PDE7B: variants seen among roughly 807,000 people sequenced by gnomAD.
The protein encoded by PDE7B is phosphodiesterase 7B.
Under a neutral mutation model 56.2 loss-of-function variants are expected in PDE7B, and 29 were observed. That is an observed-to-expected ratio of 0.52 (90% confidence interval 0.38 to 0.70). PDE7B has a LOEUF of 0.70. Among genes scored for constraint, PDE7B ranks in the 30% least tolerant of loss-of-function variants. The pLI is 0.00. For missense variants in PDE7B, 490 were observed against 565.0 expected (o/e 0.87, Z 1.35); for synonymous variants, 197 against 196.9 (o/e 1.00, Z 0.00).
intron 1 of PDE7B, among the ~76,000 whole-genome samples, chr6:135,897,574 G>T (rs1475939857): frequency 6.6e-6 from 1 of 152,196 alleles, no homozygotes; most frequent in Non-Finnish European, 1.5e-5. Flanking sequence ...TCACCAACTT[G>T]CAGAAGGCTT....
chr6:135,868,384 CTGTGTTT>C (rs1432242535), intron 1 of PDE7B, among the ~76,000 whole-genome samples: 1 of 152,160 alleles, frequency 6.6e-6, no homozygotes, highest in Non-Finnish European at 1.5e-5. Flanking sequence ...ACTCCAGTGC[CTGTGTTT>C]TATCAGGATG....
chr6:136,018,282 C>T (rs1048990762), intron 2 of PDE7B, among the ~76,000 whole-genome samples: 1 of 152,146 alleles, frequency 6.6e-6, no homozygotes, highest in African/African-American at 2.4e-5. Context: ...TCCCCAGAGA[C>T]CTGTCTCATC....
intron 2 of PDE7B, among the ~76,000 whole-genome samples, chr6:136,046,101 G>T (rs1353773633): frequency 6.6e-6 from 1 of 151,936 alleles, no homozygotes; most frequent in Non-Finnish European, 1.5e-5. Flanking sequence ...CAAAGAAGTC[G>T]ATAGTTTGCT....
chr6:136,032,386 G>A (rs1776258803), intron 2 of PDE7B, among the ~76,000 whole-genome samples: 1 of 152,208 alleles, frequency 6.6e-6, no homozygotes, highest in Non-Finnish European at 1.5e-5. Context: ...CATGCAGGAT[G>A]AGACCCTAGA....
At chr6:135,902,483 G>T (rs1312100046) in intron 1 of PDE7B, among the ~76,000 whole-genome samples, 1 of 151,854 alleles carries the variant, frequency 6.6e-6, no homozygotes, top group African/African-American at 2.4e-5. Flanking sequence ...AAATAAAAGA[G>T]TCCATAGTTA....
Position 135,871,858 on chromosome 6 carries a change from C to T in PDE7B, c.21+19839C>T, listed in dbSNP as rs567772845. On this transcript the variant is annotated intron_variant, in intron 1 of 12. Coordinates refer to ENST00000308191, the MANE Select transcript of PDE7B (RefSeq NM_018945.4). ...GTGGAAAGATCTAAGTAACTATTAA[C>T]TATTGTTTATTATTATTGTCTTGTA... Among the ~76,000 whole-genome samples the T allele has an allele frequency of 1.3e-3, 197 of 152,198 alleles. 1 individual carries two copies. The highest frequency in any genetic ancestry group is 4.5e-3 in the African/African-American group (185 of 41,504).
chr6:136,189,332 G>A (rs1779186667), intron 12 of PDE7B, among the ~76,000 whole-genome samples: 1 of 152,196 alleles, frequency 6.6e-6, no homozygotes, highest in African/African-American at 2.4e-5. Flanking sequence ...GGGAGGTTGA[G>A]GCGGGCAAAT....
At chr6:135,862,541 G>A (rs1775170306) in intron 1 of PDE7B, among the ~76,000 whole-genome samples, 1 of 151,726 alleles carries the variant, frequency 6.6e-6, no homozygotes, top group Non-Finnish European at 1.5e-5. Context: ...AATTAGTTAG[G>A]AAATATTACC....
At chr6:135,982,376 C>T (rs999446855) in intron 2 of PDE7B, among the ~76,000 whole-genome samples, 2 of 152,140 alleles carry the variant, frequency 1.3e-5, no homozygotes, top group Admixed American at 6.6e-5. Context: ...CTCTGACTCT[C>T]AGGTTCACAT....
chr6:135,855,767 G>T (rs543578418), intron 1 of PDE7B, among the ~76,000 whole-genome samples: 6 of 152,128 alleles, frequency 3.9e-5, no homozygotes, highest in East Asian at 1.9e-4. Context: ...GGCAGCCAAG[G>T]TCCCAGCAGG....
chr6:136,121,784 A>T (rs1020439433), intron 3 of PDE7B, among the ~76,000 whole-genome samples: 7 of 152,120 alleles, frequency 4.6e-5, no homozygotes, highest in Non-Finnish European at 8.8e-5. Context: ...AAGTTTTTTT[A>T]AAGTGCATTC....
chr6:135,944,278 C>T (rs1774556418), intron 1 of PDE7B, among the ~76,000 whole-genome samples: 2 of 152,246 alleles, frequency 1.3e-5, no homozygotes, highest in Middle Eastern at 6.8e-3. Flanking sequence ...AACGTAGACC[C>T]TGTGGCTTAG....
chr6:136,001,712 A>C (rs1775670902), intron 2 of PDE7B, among the ~76,000 whole-genome samples: 1 of 152,216 alleles, frequency 6.6e-6, no homozygotes, highest in Non-Finnish European at 1.5e-5. Context: ...AAAAGACCAA[A>C]TCTACATCTG....
In PDE7B at chr6:136,147,315, A is replaced by G. The variant is rs965136875; in HGVS notation, c.167-36A>G. 2.0e-6 allele frequency: 3 copies of G among 1,503,826 alleles called. No homozygotes were observed. The African/African-American group carries it at 4.2e-5, about 21-fold the overall frequency. 93.2% of individuals were successfully genotyped at this position (1,503,826 alleles called of 1,614,324 possible). ...AGTGGAGAAAATTGGCTCTCTTTTAAATATATAAATTTCTTGACTTGATGA... is the reference window on the plus strand; with the variant it reads ...AGTGGAGAAAATTGGCTCTCTTTTAGATATATAAATTTCTTGACTTGATGA... On this transcript the variant is annotated intron_variant, in intron 3 of 12. Coordinates refer to ENST00000308191, the MANE Select transcript of PDE7B (RefSeq NM_018945.4).
At position 136,192,176 on chromosome 6, in the gene PDE7B, G is replaced by C. The variant is rs1219144382; in HGVS notation, c.*336G>C. On this transcript the variant is annotated 3_prime_UTR_variant, in exon 13 of 13. Coordinates refer to ENST00000308191, the MANE Select transcript of PDE7B (RefSeq NM_018945.4). ...CCTTGTTCCGGGTCGCACTGGAACAGGCAGCAATTCCTAAGTCCGGAGCGT... is the reference window on the plus strand; with the variant it reads ...CCTTGTTCCGGGTCGCACTGGAACACGCAGCAATTCCTAAGTCCGGAGCGT... 1.2e-5 allele frequency: 4 copies of C among 340,138 alleles called. No homozygotes were observed. The East Asian group carries it at 2.6e-4, about 22-fold the overall frequency. 21.1% of individuals were successfully genotyped at this position (340,138 alleles called of 1,614,324 possible).
chr6:136,030,309 C>T (rs1776225888), intron 2 of PDE7B, among the ~76,000 whole-genome samples: 1 of 152,246 alleles, frequency 6.6e-6, no homozygotes, highest in South Asian at 2.1e-4. Context: ...CCCTGGTCTT[C>T]CAGCTGATTT....
intron 2 of PDE7B, among the ~76,000 whole-genome samples, chr6:136,033,497 T>G (rs1291475827): frequency 6.6e-6 from 1 of 152,162 alleles, no homozygotes; most frequent in African/African-American, 2.4e-5. Context: ...ACAGAAGGTC[T>G]TCCCTTCTGC....
At position 136,191,671 on chromosome 6, in the gene PDE7B, A is replaced by C; in HGVS notation, c.1184A>C (p.Asn395Thr). 1 of 1,614,096 alleles carries C rather than the reference A, an allele frequency of 6.2e-7. No individual in the cohort carries two copies. Among genetic ancestry groups the C allele is most frequent in the Non-Finnish European group, 8.5e-7 (1 of 1,179,970 alleles). Residue 395 changes from asparagine to threonine, a missense_variant, in exon 13 of 13, where the codon AAC becomes ACC. Transcript: ENST00000308191. ...CGGGAATGGGCCCATTTCACGGGTA[A>C]CAGCACCCTGTCGGAGAACATGCTG... is the stretch of plus-strand genomic sequence containing the variant. ...LFREWAHFTG[N>T]STLSENMLGH...
intron 1 of PDE7B, among the ~76,000 whole-genome samples, chr6:135,864,756 A>G (rs1454906952): frequency 1.3e-5 from 2 of 151,762 alleles, no homozygotes; most frequent in East Asian, 3.9e-4. Flanking sequence ...ATCTCTTTCA[A>G]TATTGCTTCT....
Sources: allele counts gnomAD v4.1 joint callset (sites outside exome capture counted in the v4.1 genomes callset), GRCh38; gene constraint gnomAD v4.1.1; transcripts MANE v1.5; gene names NCBI Gene and HGNC (gene_info 2026-07-23, HGNC 2026-07-21).